Variants in SHQ1 observed in about 807,000 individuals in gnomAD.
SHQ1 encodes the protein SHQ1, H/ACA ribonucleoprotein assembly factor.
Under a neutral mutation model 53.8 loss-of-function variants are expected in SHQ1, and 49 were observed. That is an observed-to-expected ratio of 0.91 (90% CI 0.72 to 1.16). SHQ1 has a LOEUF of 1.16. Ranked by LOEUF, SHQ1 falls within the 50% of genes most tolerant of loss-of-function variation. The probability of loss-of-function intolerance (pLI) is 0.00; values close to 1 mark genes in which losing one functional copy is unlikely to be tolerated. For missense variants in SHQ1, 738 were observed against 683.1 expected, an observed-to-expected ratio of 1.08 and a Z score of -0.90; for synonymous variants, 243 against 251.0, an observed-to-expected ratio of 0.97 and a Z score of 0.30.
intron 9 of SHQ1, among the ~76,000 whole-genome samples, chr3:72,800,105 T>C (rs539878063): frequency 1.3e-5 from 2 of 152,264 alleles, no homozygotes; most frequent in African/African-American, 4.8e-5. Context: ...TCTACCCTCA[T>C]GAATGTTAAC....
At chr3:72,748,965 G>A (rs192332845), downstream of SHQ1, among the ~76,000 whole-genome samples, 57 of 125,730 alleles carry the variant, frequency 4.5e-4, no homozygotes, top group Admixed American at 9.7e-4. Context: ...AAACACACAC[G>A]CACACGCACA....
chr3:72,729,943 C>T, the SHQ1 span, among the ~76,000 whole-genome samples: 72 of 152,220 alleles, frequency 4.7e-4, no homozygotes, highest in Non-Finnish European at 5.3e-4. Context: ...CTCGGCCTCC[C>T]GAGTAGCTGG....
chr3:72,797,000 G>A (rs1295062455), intron 9 of SHQ1, among the ~76,000 whole-genome samples: 1 of 146,280 alleles, frequency 6.8e-6, no homozygotes, highest in African/African-American at 2.5e-5. Flanking sequence ...GCTCATGCTT[G>A]TAATCCCAGC....
chr3:72,782,305 A>G (rs905963840), intron 10 of SHQ1, among the ~76,000 whole-genome samples: 3 of 152,236 alleles, frequency 2.0e-5, no homozygotes, highest in Non-Finnish European at 4.4e-5. Flanking sequence ...GCTAATATCT[A>G]TGTTTTCTTA....
intron 10 of SHQ1, among the ~76,000 whole-genome samples, chr3:72,751,425 A>C (rs945450777): frequency 6.6e-6 from 1 of 151,412 alleles, no homozygotes; most frequent in Non-Finnish European, 1.5e-5. Context: ...TCTCAAAAAG[A>C]AAAATAGAAA....
At chr3:72,837,671 T>C (rs1349885310) in intron 4 of SHQ1, among the ~76,000 whole-genome samples, 1 of 152,220 alleles carries the variant, frequency 6.6e-6, no homozygotes, top group East Asian at 1.9e-4. Context: ...TTCAAAATCA[T>C]TTTAAATTAG....
chr3:72,807,752 C>T (rs981629477), intron 9 of SHQ1, among the ~76,000 whole-genome samples: 23 of 152,164 alleles, frequency 1.5e-4, no homozygotes, highest in African/African-American at 5.6e-4. Context: ...CAGTCACAAG[C>T]CCTGTGCTTG....
intron 10 of SHQ1, among the ~76,000 whole-genome samples, chr3:72,791,790 G>A (rs976415034): frequency 2.0e-5 from 3 of 151,814 alleles, no homozygotes; most frequent in South Asian, 2.1e-4. Context: ...GAACTCAAGC[G>A]ATCCTCCTGC....
chr3:72,745,968 G>C (rs886268831), downstream of SHQ1, among the ~76,000 whole-genome samples: 1 of 151,832 alleles, frequency 6.6e-6, no homozygotes, highest in African/African-American at 2.4e-5. Context: ...TCAGCCTCGA[G>C]TAGCTGGGAT....
At position 72,767,661 on chromosome 3, in the gene SHQ1, A is replaced by G. The variant is rs1392894039; in HGVS notation, c.1182-16825T>C. On this transcript the variant is annotated intron_variant, in intron 10 of 10. Coordinates refer to ENST00000325599, the MANE Select transcript of SHQ1 (RefSeq NM_018130.3). ...ACTTACTGGCAAAAACTCTTCTATA[A>G]TTAGAACTGAAGAGTTGCCAACATG... 7.2e-5 allele frequency among the ~76,000 whole-genome samples: 11 copies of G among 152,208 alleles called. No individual in the cohort carries two copies. The East Asian group carries it at 2.1e-3, about 29-fold the overall frequency.
At chr3:72,772,452 GA>G (rs1449719140) in intron 10 of SHQ1, 10 of 433,516 alleles carry the variant, frequency 2.3e-5, no homozygotes, top group African/African-American at 1.4e-4. Context: ...GAGATTGTCA[GA>G]TGTTCACTCA....
Position 72,842,370 on chromosome 3 carries a change from G to C in SHQ1, c.241C>G (p.Pro81Ala), listed in dbSNP as rs765405153. Residue 81 changes from proline (P) to alanine (A), a missense_variant, in exon 3 of 11, where the codon CCT becomes GCT. Pro to Ala is a conservative substitution (Grantham distance 27, BLOSUM62 -1). Transcript: ENST00000325599. ...TTCAGCCCCTCAAAATGCTGGCCAG[G>C]GGTTTCTTTGGGCAGGCGAATGGTA... is the stretch of plus-strand genomic sequence containing the variant. Reference protein sequence around the residue: ...IFTIRLPKETPGQHFEGLNML... With the variant: ...IFTIRLPKETAGQHFEGLNML... The C allele has an allele frequency of 1.5e-5, 24 of 1,613,410 alleles. No individual in the cohort carries two copies. In the East Asian group the frequency reaches 2.5e-4, roughly 16 times the overall value.
At chr3:72,796,143 G>C (rs1268219551) in intron 9 of SHQ1, among the ~76,000 whole-genome samples, 1 of 149,402 alleles carries the variant, frequency 6.7e-6, no homozygotes, top group Non-Finnish European at 1.5e-5. Flanking sequence ...AAAAGAAAAT[G>C]CAGGATTTGG....
chr3:72,792,784 CAAAAAAAAA>C (rs59948195), intron 10 of SHQ1, 123 bp downstream of exon 10: 5 of 258,902 alleles, frequency 1.9e-5, no homozygotes, highest in South Asian at 2.7e-5. Flanking sequence ...ACCTCCATCT[CAAAAAAAAA>C]AAAAAAAAAA....
At chr3:72,763,999 G>GTT (rs1475760073) in intron 10 of SHQ1, among the ~76,000 whole-genome samples, 1 of 150,458 alleles carries the variant, frequency 6.6e-6, no homozygotes, top group East Asian at 2.0e-4. Context: ...ATGTTCCTGA[G>GTT]TTTACAAATG....
Position 72,844,354 on chromosome 3 carries a change from A to C in SHQ1, c.208+5T>G, listed in dbSNP as rs1190928750. 6.2e-7 allele frequency: 1 copy of C among 1,612,388 alleles called. No homozygotes were observed. The highest frequency in any genetic ancestry group is 8.5e-7 in the Non-Finnish European group (1 of 1,178,904). ...ATAAACTAACAAAAATTCCAAAGAC[A>C]ATACCTTTATCTGCATCATAGGACC... On this transcript the variant is annotated splice_donor_5th_base_variant and intron_variant, in intron 2 of 10. Transcript: ENST00000325599.
intron 1 of SHQ1, among the ~76,000 whole-genome samples, chr3:72,847,610 G>A (rs568468598): frequency 6.6e-6 from 1 of 152,216 alleles, no homozygotes; most frequent in Admixed American, 6.5e-5. Flanking sequence ...CGGAGACTTG[G>A]GGGAAACAAC....
chr3:72,831,689 G>C (rs938207566), intron 5 of SHQ1, among the ~76,000 whole-genome samples: 4 of 152,188 alleles, frequency 2.6e-5, no homozygotes, highest in African/African-American at 9.7e-5. Context: ...ACAATCCTTG[G>C]AAGAAATGCT....
At chr3:72,758,040 C>T (rs1296651390) in intron 10 of SHQ1, among the ~76,000 whole-genome samples, 1 of 152,158 alleles carries the variant, frequency 6.6e-6, no homozygotes, top group Non-Finnish European at 1.5e-5. Context: ...TTGAAAAGAA[C>T]CAGTTCCATA....
Sources: allele counts gnomAD v4.1 joint callset (sites outside exome capture counted in the v4.1 genomes callset), GRCh38; gene constraint gnomAD v4.1.1; transcripts MANE v1.5; gene names NCBI Gene and HGNC (gene_info 2026-07-23, HGNC 2026-07-21).